Variants in HPSE2 observed in about 807,000 individuals in gnomAD.
The protein encoded by HPSE2 is heparanase 2 (inactive).
In HPSE2, 38 loss-of-function variants were observed where a neutral mutation model predicts 60.5. That is an observed-to-expected ratio of 0.63 (90% CI 0.48 to 0.82). HPSE2 has a LOEUF of 0.82. Among genes scored for constraint, HPSE2 ranks in the 40% least tolerant of loss-of-function variants. HPSE2 has a pLI of 0.00. For missense variants in HPSE2, 713 were observed against 740.4 expected, an observed-to-expected ratio of 0.96 and a Z score of 0.43; for synonymous variants, 295 against 293.2, an observed-to-expected ratio of 1.01 and a Z score of -0.06.
chr10:99,228,772 T>C (rs914867278), intron 2 of HPSE2, among the ~76,000 whole-genome samples: 1 of 152,172 alleles, frequency 6.6e-6, no homozygotes, highest in East Asian at 1.9e-4. Context: ...TTTTACAAAG[T>C]TAGAGAAAAT....
chr10:98,738,593 T>C (rs1949416313), intron 4 of HPSE2, among the ~76,000 whole-genome samples: 1 of 152,078 alleles, frequency 6.6e-6, no homozygotes, highest in Non-Finnish European at 1.5e-5. Flanking sequence ...AAAGGGCGAA[T>C]ATCCAGAATC....
chr10:98,508,692 CA>C (rs1164008827), intron 9 of HPSE2, among the ~76,000 whole-genome samples: 2 of 152,074 alleles, frequency 1.3e-5, no homozygotes, highest in African/African-American at 4.8e-5. Flanking sequence ...CATGAAGGAA[CA>C]TTTAAGATTT....
At chr10:99,108,795 A>G (rs2135671999) in intron 3 of HPSE2, among the ~76,000 whole-genome samples, 1 of 152,312 alleles carries the variant, frequency 6.6e-6, no homozygotes, top group East Asian at 1.9e-4. Flanking sequence ...GTAGGCCATA[A>G]AAGGTTAAGT....
intron 3 of HPSE2, among the ~76,000 whole-genome samples, chr10:98,872,031 G>A (rs191519256): frequency 9.2e-5 from 14 of 152,226 alleles, no homozygotes; most frequent in African/African-American, 1.7e-4. Flanking sequence ...GAGAAACTTT[G>A]AAAATCTAGG....
intron 3 of HPSE2, among the ~76,000 whole-genome samples, chr10:98,764,403 A>T (rs1335384457): frequency 6.6e-6 from 1 of 152,196 alleles, no homozygotes; most frequent in African/African-American, 2.4e-5. Flanking sequence ...GAAAGCAAAT[A>T]AAAACAAATT....
At chr10:99,132,565 T>G (rs994976313) in intron 3 of HPSE2, among the ~76,000 whole-genome samples, 5 of 151,870 alleles carry the variant, frequency 3.3e-5, no homozygotes, top group African/African-American at 1.2e-4. Flanking sequence ...TTGGGTCTGG[T>G]TGGATAGTAG....
At chr10:98,668,917 G>A (rs1034409209) in intron 6 of HPSE2, among the ~76,000 whole-genome samples, 8 of 152,134 alleles carry the variant, frequency 5.3e-5, no homozygotes, top group African/African-American at 1.4e-4. Context: ...TTCATTAAAC[G>A]AAAGAGCTTC....
chr10:98,568,093 C>T (rs1347561802), intron 9 of HPSE2, among the ~76,000 whole-genome samples: 1 of 152,148 alleles, frequency 6.6e-6, no homozygotes, highest in African/African-American at 2.4e-5. Flanking sequence ...ATGCTTTTAT[C>T]AGACTTAGGT....
intron 3 of HPSE2, among the ~76,000 whole-genome samples, chr10:98,903,013 G>T (rs1953709227): frequency 6.6e-6 from 1 of 152,036 alleles, no homozygotes; most frequent in Non-Finnish European, 1.5e-5. Context: ...CTAAAAGAGA[G>T]AAATAATCTA....
intron 11 of HPSE2, among the ~76,000 whole-genome samples, chr10:98,475,346 T>A (rs7084133): frequency 4.1e-4 from 62 of 152,020 alleles, no homozygotes; most frequent in East Asian, 3.3e-3. Flanking sequence ...GGTCTTGATC[T>A]CCTGACCTTG....
chr10:99,066,134 G>T (rs1458289121), intron 3 of HPSE2, among the ~76,000 whole-genome samples: 1 of 152,010 alleles, frequency 6.6e-6, no homozygotes, highest in Non-Finnish European at 1.5e-5. Context: ...TGGCAGGGCA[G>T]TAAATACTCA....
At chr10:99,315,840 T>G in the HPSE2 span, among the ~76,000 whole-genome samples, 1 of 152,172 alleles carries the variant, frequency 6.6e-6, no homozygotes, top group African/African-American at 2.4e-5. Flanking sequence ...CCAAATCTTG[T>G]GCCCTTAATT....
At chr10:98,594,742 G>A (rs1251648604) in intron 9 of HPSE2, among the ~76,000 whole-genome samples, 1 of 152,056 alleles carries the variant, frequency 6.6e-6, no homozygotes. Context: ...CTTGGCTATT[G>A]TAAGTAATGC....
At chr10:98,960,780 G>T (rs1476404570) in intron 3 of HPSE2, among the ~76,000 whole-genome samples, 20 of 124,496 alleles carry the variant, frequency 1.6e-4, no homozygotes, top group African/African-American at 5.6e-4. Context: ...GGGTACATGT[G>T]CATATTGTGC....
intron 9 of HPSE2, among the ~76,000 whole-genome samples, chr10:98,574,004 C>T (rs1400416303): frequency 6.6e-6 from 1 of 151,848 alleles, no homozygotes; most frequent in East Asian, 1.9e-4. Flanking sequence ...TATTTTTTAC[C>T]CCAAAAAGAA....
intron 5 of HPSE2, among the ~76,000 whole-genome samples, chr10:98,697,843 G>A (rs1948272323): frequency 6.6e-6 from 1 of 152,098 alleles, no homozygotes; most frequent in Non-Finnish European, 1.5e-5. Flanking sequence ...AAGAGAGTGG[G>A]GGCCAATATT....
chr10:99,231,656 G>A (rs142856586), intron 2 of HPSE2, among the ~76,000 whole-genome samples: 4 of 151,776 alleles, frequency 2.6e-5, no homozygotes, highest in African/African-American at 7.3e-5. Flanking sequence ...ATCTAATCCC[G>A]TCAGGAAAGA....
At chr10:99,307,832 G>GCACACACACACA in the HPSE2 span, among the ~76,000 whole-genome samples, 2 of 134,420 alleles carry the variant, frequency 1.5e-5, no homozygotes, top group Non-Finnish European at 3.2e-5. Flanking sequence ...TAGTAAATGC[G>GCACACACACACA]CACACACACA....
chr10:99,212,801 A>G (rs1225147528), intron 2 of HPSE2, among the ~76,000 whole-genome samples: 1 of 152,196 alleles, frequency 6.6e-6, no homozygotes, highest in Non-Finnish European at 1.5e-5. Flanking sequence ...AGAAAAATTA[A>G]AAAGTATGTG....
Sources: gnomAD v4.1 joint callset for allele counts (sites outside exome capture counted in the v4.1 genomes callset) on GRCh38, gnomAD v4.1.1 for gene constraint, MANE v1.5 for transcripts, NCBI Gene and HGNC (gene_info 2026-07-23, HGNC 2026-07-21) for gene names.